RNF144A: variants seen among roughly 807,000 people sequenced by gnomAD.
RNF144A encodes E3 ubiquitin-protein ligase RNF144A.
In RNF144A, 11 loss-of-function variants were observed where a neutral mutation model predicts 38.7. The ratio of observed to expected loss-of-function variants is 0.28; its 90% confidence interval spans 0.18 to 0.47. The LOEUF (loss-of-function observed/expected upper bound fraction) is 0.47, where lower values mean the gene tolerates loss of function less well. RNF144A is among the 20% of genes least tolerant of loss of function. RNF144A has a pLI of 0.99. For missense variants in RNF144A, 316 were observed against 377.2 expected, an observed-to-expected ratio of 0.84 and a Z score of 1.34; for synonymous variants, 149 against 143.9, an observed-to-expected ratio of 1.04 and a Z score of -0.25.
intron 1 of RNF144A, among the ~76,000 whole-genome samples, chr2:6,930,680 C>T (rs1189305040): frequency 6.6e-6 from 1 of 152,094 alleles, no homozygotes; most frequent in Non-Finnish European, 1.5e-5. Flanking sequence ...CAGCTTTGAT[C>T]TCTGGGGCTC....
chr2:6,962,394 T>C lies in RNF144A; in HGVS notation c.-12+21247T>C, dbSNP rs1667402919. On this transcript the variant is annotated intron_variant, in intron 2 of 8. Coordinates refer to ENST00000320892, the MANE Select transcript of RNF144A (RefSeq NM_014746.6). This position sits in a 1 kb window ranked among gnomAD's most constrained non-coding sequence, Gnocchi z 4.1. Reference sequence around the variant, plus strand: ...ATGGTGCAGCTGCTGGCATCCCCCATAGAAGTTTCTGGCTTCCTTATTTAT... The same window carrying C: ...ATGGTGCAGCTGCTGGCATCCCCCACAGAAGTTTCTGGCTTCCTTATTTAT... Among the ~76,000 whole-genome samples, 3 of 152,336 alleles carry C rather than the reference T, an allele frequency of 2.0e-5. No homozygotes were observed. In the South Asian group the frequency reaches 6.2e-4, roughly 32 times the overall value.
Position 7,040,121 on chromosome 2 carries a change from G to A in RNF144A, c.*361G>A, listed in dbSNP as rs372699193. 1,011 of 1,014,200 alleles carry A rather than the reference G, an allele frequency of 1.0e-3. 3 individuals carry two copies. The African/African-American group carries it at 0.016, about 16-fold the overall frequency. The allele number at this position is 1,014,200 out of a possible 1,614,324, so 62.8% of individuals were successfully genotyped here. ...CTTGGCTTCTAGATGGCACCATGTT[G>A]TCAGAGAAGTCTTTTAAGGACTGCC... is the stretch of plus-strand genomic sequence containing the variant. On this transcript the variant is annotated 3_prime_UTR_variant, in exon 9 of 9. Coordinates refer to ENST00000320892, the MANE Select transcript of RNF144A (RefSeq NM_014746.6).
intron 3 of RNF144A, among the ~76,000 whole-genome samples, chr2:6,998,271 C>A (rs994466710): frequency 3.9e-5 from 6 of 152,042 alleles, no homozygotes; most frequent in Non-Finnish European, 8.8e-5. Flanking sequence ...TATAATCTGT[C>A]ACTCGAACAG....
intron 2 of RNF144A, among the ~76,000 whole-genome samples, chr2:6,995,017 G>A (rs1350471145): frequency 1.3e-5 from 2 of 152,224 alleles, no homozygotes; most frequent in East Asian, 3.9e-4. Flanking sequence ...GATCCTGCAG[G>A]TGCTTCCTTC....
At chr2:7,066,080 T>TC (rs1411606156) in intron 6 of RNF144A, among the ~76,000 whole-genome samples, 2 of 145,070 alleles carry the variant, frequency 1.4e-5, no homozygotes, top group Admixed American at 6.9e-5. Flanking sequence ...TTTTTCTCTC[T>TC]TTTTTTTTTT....
At chr2:6,983,488 A>G (rs1226989989) in intron 2 of RNF144A, among the ~76,000 whole-genome samples, 2 of 152,184 alleles carry the variant, frequency 1.3e-5, no homozygotes, top group East Asian at 3.9e-4. Flanking sequence ...AGCCCAAATC[A>G]CTAGTCCTGT....
chr2:6,922,377 C>T (rs1014877587), intron 1 of RNF144A, among the ~76,000 whole-genome samples: 2 of 152,282 alleles, frequency 1.3e-5, no homozygotes, highest in African/African-American at 4.8e-5. Flanking sequence ...GTCAGAGTCT[C>T]TTTATTGATT....
intron 8 of RNF144A, among the ~76,000 whole-genome samples, chr2:7,038,805 G>A (rs1672848591): frequency 6.6e-6 from 1 of 152,116 alleles, no homozygotes; most frequent in South Asian, 2.1e-4. Flanking sequence ...TGGGTGGATG[G>A]ATGGGTAGAT....
intron 2 of RNF144A, among the ~76,000 whole-genome samples, chr2:6,974,341 C>T (rs187341992): frequency 7.9e-5 from 12 of 152,236 alleles, no homozygotes; most frequent in East Asian, 5.8e-4. Flanking sequence ...TGCAGACTGC[C>T]GAGATCCATC....
At chr2:6,935,819 C>T (rs982907272) in intron 1 of RNF144A, among the ~76,000 whole-genome samples, 5 of 152,224 alleles carry the variant, frequency 3.3e-5, no homozygotes, top group African/African-American at 1.2e-4. Context: ...TGCTTGTTGT[C>T]GGCATGGCAA....
intron 2 of RNF144A, among the ~76,000 whole-genome samples, chr2:6,976,876 A>G (rs920127477): frequency 4.6e-5 from 7 of 152,058 alleles, no homozygotes; most frequent in South Asian, 4.1e-4. Context: ...TCTATAATAC[A>G]TATTCTTCTT....
chr2:6,961,778 T>A (rs1667360090), intron 2 of RNF144A, among the ~76,000 whole-genome samples: 1 of 152,216 alleles, frequency 6.6e-6, no homozygotes, highest in Non-Finnish European at 1.5e-5. Context: ...TACCCCTTCT[T>A]CCATGAAGTA....
At chr2:6,994,494 A>T (rs193040504) in intron 2 of RNF144A, among the ~76,000 whole-genome samples, 281 of 152,178 alleles carry the variant, frequency 1.8e-3, no homozygotes, top group Non-Finnish European at 2.5e-3. Context: ...CCATGTAGAG[A>T]TTGAAAATGA....
At chr2:6,919,291 G>T (rs1411681945) in intron 1 of RNF144A, among the ~76,000 whole-genome samples, 1 of 152,166 alleles carries the variant, frequency 6.6e-6, no homozygotes, top group African/African-American at 2.4e-5. Flanking sequence ...TTTCCCAGGG[G>T]ATTCACCCAG....
intron 1 of RNF144A, among the ~76,000 whole-genome samples, chr2:6,937,316 C>T (rs1387520281): frequency 6.6e-6 from 1 of 152,234 alleles, no homozygotes; most frequent in Non-Finnish European, 1.5e-5. Context: ...GCTGTGTGAC[C>T]ATGGGCCACT....
intron 1 of RNF144A, among the ~76,000 whole-genome samples, chr2:6,931,485 G>T (rs1336313912): frequency 6.6e-6 from 1 of 152,260 alleles, no homozygotes; most frequent in Non-Finnish European, 1.5e-5. Context: ...AGCATTCAGA[G>T]TCCACTGTGG....
chr2:7,054,991 C>T (rs1012251571), intron 6 of RNF144A, among the ~76,000 whole-genome samples: 4 of 152,184 alleles, frequency 2.6e-5, no homozygotes, highest in African/African-American at 9.7e-5. Flanking sequence ...CCACTAGTGA[C>T]TTCTCTGCCA....
chr2:6,949,753 T>C (rs1416421584), intron 2 of RNF144A, among the ~76,000 whole-genome samples: 1 of 152,212 alleles, frequency 6.6e-6, no homozygotes, highest in Non-Finnish European at 1.5e-5. Context: ...GATCTGTCTT[T>C]GCTCTTAATC....
chr2:7,047,235 A>G (rs1192152770), downstream of RNF144A, among the ~76,000 whole-genome samples: 1 of 151,856 alleles, frequency 6.6e-6, no homozygotes, highest in Non-Finnish European at 1.5e-5. Flanking sequence ...AAGAGCCTGT[A>G]TGAAGTACAT....
Sources: allele counts gnomAD v4.1 joint callset (sites outside exome capture counted in the v4.1 genomes callset), GRCh38; gene constraint gnomAD v4.1.1; non-coding constraint Gnocchi (gnomAD v3.1); transcripts MANE v1.5; gene names NCBI Gene and HGNC (gene_info 2026-07-23, HGNC 2026-07-21).